KCNH5: variants seen among roughly 807,000 people sequenced by gnomAD.
KCNH5 encodes potassium voltage-gated channel subfamily H member 5.
Under a neutral mutation model 96.1 loss-of-function variants are expected in KCNH5, and 46 were observed. The observed-to-expected ratio is 0.48, with a 90% CI of 0.38 to 0.61. KCNH5 has a LOEUF of 0.61. KCNH5 is among the 20% of genes least tolerant of loss of function. The pLI, the probability that KCNH5 is intolerant of heterozygous loss-of-function variation, is 0.00. For synonymous variants in KCNH5, 439 were observed against 449.8 expected (o/e 0.98, Z 0.30); for missense variants, 907 against 1,225.8 (o/e 0.74, Z 3.88).
intron 5 of KCNH5, among the ~76,000 whole-genome samples, chr14:62,983,880 A>G (rs1248418185): frequency 6.6e-6 from 1 of 152,188 alleles, no homozygotes; most frequent in African/African-American, 2.4e-5. Flanking sequence ...TCAGGACCCA[A>G]TTCTCTAGAC....
chr14:62,781,690 G>A lies in KCNH5; in HGVS notation c.1823-1766C>T, dbSNP rs577164719. Among the ~76,000 whole-genome samples the A allele has an allele frequency of 5.9e-5, 9 of 152,314 alleles. No individual in the cohort carries two copies. In the South Asian group the frequency reaches 8.3e-4, roughly 14 times the overall value. On this transcript the variant is annotated intron_variant, in intron 9 of 10. Coordinates refer to ENST00000322893, the MANE Select transcript of KCNH5 (RefSeq NM_139318.5). ...ATGGCTCTGTTCCGCCGGGCTCACC[G>A]GAGGTCAGAGTTTAAGGTTATCTTT... is the stretch of plus-strand genomic sequence containing the variant.
At chr14:62,718,160 T>C (rs571826200) in intron 10 of KCNH5, among the ~76,000 whole-genome samples, 2 of 152,196 alleles carry the variant, frequency 1.3e-5, no homozygotes, top group South Asian at 2.1e-4. Context: ...AATTAATTAT[T>C]GTGTGGTTTT....
chr14:62,975,954 G>A (rs1890491107), intron 6 of KCNH5, among the ~76,000 whole-genome samples: 1 of 151,678 alleles, frequency 6.6e-6, no homozygotes, highest in Non-Finnish European at 1.5e-5. Context: ...CCATACAAAA[G>A]CAAATTTAGC....
chr14:62,953,068 T>A (rs750894950), intron 6 of KCNH5, among the ~76,000 whole-genome samples: 14 of 151,834 alleles, frequency 9.2e-5, no homozygotes, highest in Non-Finnish European at 1.8e-4. Flanking sequence ...GGTTTAGAAG[T>A]AGTTTGACAC....
At chr14:62,849,281 G>C (rs1887758127) in intron 8 of KCNH5, among the ~76,000 whole-genome samples, 1 of 152,026 alleles carries the variant, frequency 6.6e-6, no homozygotes, top group Admixed American at 6.6e-5. Flanking sequence ...TTTTAAATGA[G>C]CAAAAAAGGC....
At chr14:62,924,995 G>A (rs1889446657) in intron 7 of KCNH5, among the ~76,000 whole-genome samples, 1 of 152,058 alleles carries the variant, frequency 6.6e-6, no homozygotes, top group East Asian at 1.9e-4. Context: ...CTGTGAGGTG[G>A]TGGATATGTT....
chr14:62,957,852 T>C (rs1474175453), intron 6 of KCNH5, among the ~76,000 whole-genome samples: 1 of 152,182 alleles, frequency 6.6e-6, no homozygotes, highest in Non-Finnish European at 1.5e-5. Flanking sequence ...TGAGTAAACT[T>C]AGTTGAGATA....
chr14:62,872,291 T>C (rs1888272785), intron 7 of KCNH5, among the ~76,000 whole-genome samples: 1 of 152,250 alleles, frequency 6.6e-6, no homozygotes, highest in South Asian at 2.1e-4. Context: ...ATCTCTATGA[T>C]ACCTAATTCA....
chr14:62,870,624 T>C (rs1055651379), intron 7 of KCNH5, among the ~76,000 whole-genome samples: 1 of 152,212 alleles, frequency 6.6e-6, no homozygotes, highest in African/African-American at 2.4e-5. Flanking sequence ...AGCAAGGCAG[T>C]GAGTATCTTT....
At chr14:62,907,528 A>T (rs1192310962) in intron 7 of KCNH5, among the ~76,000 whole-genome samples, 1 of 152,234 alleles carries the variant, frequency 6.6e-6, no homozygotes, top group Non-Finnish European at 1.5e-5. Flanking sequence ...CAAGGTTAGT[A>T]TATAATAAGA....
chr14:62,932,650 T>A (rs1889603224), intron 7 of KCNH5, among the ~76,000 whole-genome samples: 1 of 152,022 alleles, frequency 6.6e-6, no homozygotes, highest in African/African-American at 2.4e-5. Context: ...CCCATTGGGA[T>A]GAAAACGAAT....
At chr14:62,806,167 T>A (rs1218145345) in intron 8 of KCNH5, among the ~76,000 whole-genome samples, 5 of 152,074 alleles carry the variant, frequency 3.3e-5, no homozygotes, top group Non-Finnish European at 7.4e-5. Context: ...CGTCAGAAAG[T>A]TATCCAATAT....
chr14:62,885,185 C>G (rs1023111242), intron 7 of KCNH5, among the ~76,000 whole-genome samples: 1 of 152,062 alleles, frequency 6.6e-6, no homozygotes, highest in African/African-American at 2.4e-5. Flanking sequence ...AATTAAGAAA[C>G]CCACAACTGA....
At chr14:63,041,128 T>A (rs1377215829) in intron 1 of KCNH5, among the ~76,000 whole-genome samples, 1 of 152,148 alleles carries the variant, frequency 6.6e-6, no homozygotes, top group Non-Finnish European at 1.5e-5. Context: ...CATGTCTGCC[T>A]ATTTGCTAAG....
At chr14:62,724,959 C>A (rs140147778) in intron 10 of KCNH5, among the ~76,000 whole-genome samples, 2 of 152,190 alleles carry the variant, frequency 1.3e-5, no homozygotes, top group Non-Finnish European at 2.9e-5. Context: ...AGAGGCCCTA[C>A]GAAGTACACC....
intron 10 of KCNH5, among the ~76,000 whole-genome samples, chr14:62,725,559 A>T (rs1884908017): frequency 6.6e-6 from 1 of 152,198 alleles, no homozygotes; most frequent in South Asian, 2.1e-4. Flanking sequence ...GAGAGTTCAC[A>T]GTCAATTGAT....
At chr14:62,865,803 G>C (rs1888124292) in intron 7 of KCNH5, among the ~76,000 whole-genome samples, 1 of 152,118 alleles carries the variant, frequency 6.6e-6, no homozygotes, top group Non-Finnish European at 1.5e-5. Flanking sequence ...CTTGTGCATT[G>C]CTTAGAGCAA....
intron 7 of KCNH5, among the ~76,000 whole-genome samples, chr14:62,913,669 C>A (rs1163524912): frequency 6.6e-6 from 1 of 151,988 alleles, no homozygotes; most frequent in East Asian, 1.9e-4. Context: ...GGAGAAACTA[C>A]AAAATAAGAA....
At chr14:62,865,167 G>A (rs1165316924) in intron 7 of KCNH5, among the ~76,000 whole-genome samples, 1 of 152,080 alleles carries the variant, frequency 6.6e-6, no homozygotes, top group Non-Finnish European at 1.5e-5. Context: ...CAAGGTGAAG[G>A]ACAGTCTACG....
Sources: allele counts gnomAD v4.1 joint callset (sites outside exome capture counted in the v4.1 genomes callset), GRCh38; gene constraint gnomAD v4.1.1; transcripts MANE v1.5; gene names NCBI Gene and HGNC (gene_info 2026-07-23, HGNC 2026-07-21).